MYH9: variants seen among roughly 807,000 people sequenced by gnomAD.
MYH9 encodes myosin-9.
A neutral mutation model predicts 241.9 loss-of-function variants in MYH9; 29 were observed. That is an observed-to-expected ratio of 0.12 (90% confidence interval 0.09 to 0.16). The LOEUF is 0.16. Among genes scored for constraint, MYH9 ranks in the 10% least tolerant of loss-of-function variants. The pLI, the probability that MYH9 is intolerant of heterozygous loss-of-function variation, is 1.00. For missense variants in MYH9, 1,803 were observed against 2,595.5 expected, an observed-to-expected ratio of 0.69 and a Z score of 6.63; for synonymous variants, 1,047 against 1,062.6, an observed-to-expected ratio of 0.99 and a Z score of 0.29.
intron 1 of MYH9, among the ~76,000 whole-genome samples, chr22:36,359,036 G>C (rs2017897367): frequency 6.6e-6 from 1 of 152,180 alleles, no homozygotes; most frequent in Non-Finnish European, 1.5e-5. Context: ...AAAGAAGGCA[G>C]AGAAGTGTCC....
intron 5 of MYH9, among the ~76,000 whole-genome samples, chr22:36,322,972 T>C (rs2017279458): frequency 6.6e-6 from 1 of 152,224 alleles, no homozygotes; most frequent in Admixed American, 6.5e-5. Flanking sequence ...GGATCGGATC[T>C]GGAAAATATA....
intron 1 of MYH9, among the ~76,000 whole-genome samples, chr22:36,371,680 G>A (rs921480153): frequency 1.3e-5 from 2 of 152,082 alleles, no homozygotes; most frequent in African/African-American, 2.4e-5. Context: ...GGGATTACAG[G>A]TGCCCACCAC....
At chr22:36,374,274 T>C (rs1251016904) in intron 1 of MYH9, among the ~76,000 whole-genome samples, 1 of 152,106 alleles carries the variant, frequency 6.6e-6, no homozygotes, top group Non-Finnish European at 1.5e-5. Flanking sequence ...TCCCAGCACT[T>C]TGGGAGGCCA....
In MYH9 at chr22:36,293,501, G is replaced by C; in HGVS notation, c.3943-20C>G. ...CAGCTCCTACTCGCGGGTTGAGAGG[G>C]GTGCGGGTGCTTAGGAGGGTGGTGT... On this transcript the variant is annotated intron_variant, in intron 29 of 40. Coordinates refer to ENST00000216181, the MANE Select transcript of MYH9 (RefSeq NM_002473.6). The surrounding 1 kb of genome is among the most constrained non-coding windows in gnomAD (Gnocchi z 5.1). The C allele has an allele frequency of 6.2e-7, 1 of 1,611,820 alleles. No homozygotes were observed.
chr22:36,369,137 A>C (rs1249766933), intron 1 of MYH9, among the ~76,000 whole-genome samples: 2 of 152,182 alleles, frequency 1.3e-5, no homozygotes, highest in Admixed American at 1.3e-4. Context: ...ACACACAGCT[A>C]GTCAATGGCA....
Position 36,311,823 on chromosome 22 carries a change from G to A in MYH9, c.1728+226C>T, listed in dbSNP as rs538952280. On this transcript the variant is annotated intron_variant, in intron 14 of 40. Transcript: ENST00000216181. ...GACAACCAGCCTGGGCACCGCGGTG[G>A]AGTGCCGCAGGCTTCTAACAGCATG... is the stretch of plus-strand genomic sequence containing the variant. Among the ~76,000 whole-genome samples the A allele has an allele frequency of 2.0e-5, 3 of 152,348 alleles. No homozygotes were observed. In the East Asian group the frequency reaches 5.8e-4, roughly 29 times the overall value.
rs745511764 is a variant in MYH9 at position 36,299,055 on chromosome 22, G to A, written c.2977-13C>T. ...GCAGTTTCTTTTCCTGGGGAGAGGGGAGTAGGCTGGCATTTAGTGTTGGTT... is the reference window on the plus strand; with the variant it reads ...GCAGTTTCTTTTCCTGGGGAGAGGGAAGTAGGCTGGCATTTAGTGTTGGTT... On this transcript the variant is annotated splice_polypyrimidine_tract_variant and intron_variant, in intron 23 of 40. Coordinates refer to ENST00000216181, the MANE Select transcript of MYH9 (RefSeq NM_002473.6). 5 of 1,613,784 alleles carry A rather than the reference G, an allele frequency of 3.1e-6. No homozygotes were observed. In the African/African-American group the frequency reaches 5.3e-5, roughly 17 times the overall value.
At chr22:36,331,243 C>G (rs1181544448) in intron 3 of MYH9, among the ~76,000 whole-genome samples, 1 of 152,130 alleles carries the variant, frequency 6.6e-6, no homozygotes, top group African/African-American at 2.4e-5. Context: ...CTGTCGTACA[C>G]GGTGTGAGGC....
chr22:36,292,298 C>A (rs1360582211), intron 30 of MYH9, 64 bp from the exon 31 acceptor site: 1 of 1,607,176 alleles, frequency 6.2e-7, no homozygotes, highest in Non-Finnish European at 8.5e-7. Context: ...CACACCCGTC[C>A]CTGGGGCAGC....
chr22:36,309,840 G>GT (rs1309410322), intron 14 of MYH9, among the ~76,000 whole-genome samples: 6 of 152,152 alleles, frequency 3.9e-5, no homozygotes, highest in African/African-American at 1.4e-4. Flanking sequence ...GTATGTGTCA[G>GT]TTTCATCTTT....
intron 1 of MYH9, among the ~76,000 whole-genome samples, chr22:36,379,120 CAAG>C (rs1030539394): frequency 1.2e-4 from 19 of 152,156 alleles, no homozygotes; most frequent in African/African-American, 4.1e-4. Flanking sequence ...AGTTAAAATG[CAAG>C]AAGAAAGGCT....
intron 5 of MYH9, among the ~76,000 whole-genome samples, chr22:36,323,283 C>T (rs1453073456): frequency 1.3e-5 from 2 of 152,246 alleles, no homozygotes; most frequent in African/African-American, 4.8e-5. Context: ...TGCTCAAGGT[C>T]ATCCAGCTAT....
chr22:36,380,633 C>T (rs1191988494), intron 1 of MYH9, among the ~76,000 whole-genome samples: 1 of 151,914 alleles, frequency 6.6e-6, no homozygotes, highest in Non-Finnish European at 1.5e-5. Flanking sequence ...CCCAGCTACT[C>T]GGGAGGCTGA....
At chr22:36,318,989 C>T (rs2017205726) in intron 10 of MYH9, among the ~76,000 whole-genome samples, 1 of 152,022 alleles carries the variant, frequency 6.6e-6, no homozygotes, top group Non-Finnish European at 1.5e-5. Flanking sequence ...GTCTCGAACT[C>T]CTGACCTCGT....
At chr22:36,309,470 G>A (rs947010442) in intron 14 of MYH9, 74 bp from the exon 15 acceptor site, 1 of 1,130,750 alleles carries the variant, frequency 8.8e-7, no homozygotes, top group African/African-American at 1.5e-5. Flanking sequence ...CCGGAGCACA[G>A]GCTAACCCCA....
At chr22:36,364,593 G>A (rs965280634) in intron 1 of MYH9, among the ~76,000 whole-genome samples, 7 of 151,966 alleles carry the variant, frequency 4.6e-5, no homozygotes, top group Non-Finnish European at 1.0e-4. Context: ...CTCACCCTCC[G>A]CCCCACCCCC....
At chr22:36,348,858 C>T (rs1569536654) in intron 2 of MYH9, 46 bp downstream of exon 2, 11 of 1,184,590 alleles carry the variant, frequency 9.3e-6, no homozygotes, top group Non-Finnish European at 1.1e-5. Flanking sequence ...CCCCCCACCT[C>T]GGAGCCCTCA....
At chr22:36,349,647 T>G (rs2017735737) in intron 1 of MYH9, among the ~76,000 whole-genome samples, 1 of 152,090 alleles carries the variant, frequency 6.6e-6, no homozygotes, top group African/African-American at 2.4e-5. Context: ...GGAGAATCGC[T>G]TGAACCCAGG....
At position 36,318,188 on chromosome 22, in the gene MYH9, C is replaced by T. The variant is rs780570155; in HGVS notation, c.1227+19G>A. ...TTCACCCAGGAGGCAGCCAGCTGCC[C>T]TGGCCCCAGAGGACATACCTGCTCT... is the stretch of plus-strand genomic sequence containing the variant. On this transcript the variant is annotated intron_variant, in intron 11 of 40. Coordinates refer to ENST00000216181, the MANE Select transcript of MYH9 (RefSeq NM_002473.6). The T allele has an allele frequency of 6.2e-7, 1 of 1,609,256 alleles. No homozygotes were observed. The highest frequency in any genetic ancestry group is 8.5e-7 in the Non-Finnish European group (1 of 1,175,840).
Sources: gnomAD v4.1 joint callset for allele counts (sites outside exome capture counted in the v4.1 genomes callset) on GRCh38, gnomAD v4.1.1 for gene constraint, Gnocchi (gnomAD v3.1) non-coding constraint, MANE v1.5 for transcripts, NCBI Gene and HGNC (gene_info 2026-07-23, HGNC 2026-07-21) for gene names.